ABLIM1: variants seen among roughly 807,000 people sequenced by gnomAD.
The protein encoded by ABLIM1 is actin-binding LIM protein 1.
A neutral mutation model predicts 107.0 loss-of-function variants in ABLIM1; 40 were observed. That is an observed-to-expected ratio of 0.37 (90% CI 0.29 to 0.49). The LOEUF is 0.49. ABLIM1 is among the 20% of genes least tolerant of loss of function. ABLIM1 has a pLI of 0.97. For missense variants in ABLIM1, 857 were observed against 1,008.5 expected (o/e 0.85, Z 2.04); for synonymous variants, 357 against 357.3 (o/e 1.00, Z 0.01).
At chr10:114,644,329 ATG>A (rs57762748) in intron 1 of ABLIM1, among the ~76,000 whole-genome samples, 14 of 114,982 alleles carry the variant, frequency 1.2e-4, no homozygotes, top group African/African-American at 2.5e-4. Flanking sequence ...ATATATATAT[ATG>A]TGTATATATT....
At chr10:114,631,700 T>C (rs1332561127) in intron 1 of ABLIM1, among the ~76,000 whole-genome samples, 1 of 151,524 alleles carries the variant, frequency 6.6e-6, no homozygotes, top group African/African-American at 2.4e-5. Flanking sequence ...GAAAACAGGA[T>C]GTGCTCCCGA....
intron 1 of ABLIM1, among the ~76,000 whole-genome samples, chr10:114,747,787 C>T (rs111447170): frequency 0.052 from 7,945 of 152,336 alleles, 280 homozygotes; most frequent in Non-Finnish European, 0.084. Context: ...CGCCTGTAAT[C>T]CCAGCACTTT....
At position 114,474,159 on chromosome 10, in the gene ABLIM1, C is replaced by T. The variant is rs539155488; in HGVS notation, c.1042-203G>A. ...CCAGTTTTGAAAAGGCATGGGGAGG[C>T]CTTTCTCTGGCCCTTCCTGCTCCTT... On this transcript the variant is annotated intron_variant, in intron 8 of 22. Transcript: ENST00000533213. 4.7e-4 allele frequency among the ~76,000 whole-genome samples: 71 copies of T among 152,240 alleles called. 1 individual carries two copies. Among genetic ancestry groups the T allele is most frequent in the African/African-American group, 1.7e-3 (70 of 41,534 alleles).
chr10:114,531,201 G>A (rs1565847896), intron 6 of ABLIM1, among the ~76,000 whole-genome samples: 2 of 152,220 alleles, frequency 1.3e-5, no homozygotes, highest in African/African-American at 2.4e-5. Context: ...ACAGGAAGCT[G>A]TAAGTTCATT....
chr10:114,477,101 G>C (rs1259351463), intron 8 of ABLIM1, among the ~76,000 whole-genome samples: 2 of 152,112 alleles, frequency 1.3e-5, no homozygotes, highest in Non-Finnish European at 2.9e-5. Context: ...GTCAGGATTT[G>C]AACTCAGACA....
intron 1 of ABLIM1, among the ~76,000 whole-genome samples, chr10:114,724,766 C>T (rs1187863441): frequency 1.3e-5 from 2 of 152,088 alleles, no homozygotes; most frequent in African/African-American, 4.8e-5. Flanking sequence ...GACTGTCCGG[C>T]CCTAAGGAGA....
intron 1 of ABLIM1, among the ~76,000 whole-genome samples, chr10:114,671,596 T>C (rs928973924): frequency 2.0e-5 from 3 of 152,238 alleles, no homozygotes; most frequent in African/African-American, 4.8e-5. Context: ...TGTAGGAGAA[T>C]TGCAGTTGTT....
chr10:114,571,567 G>A (rs2071687040), intron 3 of ABLIM1, among the ~76,000 whole-genome samples, 161 bp from the exon 4 acceptor site: 1 of 152,150 alleles, frequency 6.6e-6, no homozygotes, highest in African/African-American at 2.4e-5. Flanking sequence ...GCTGGAGACA[G>A]TCCAAACAAA....
At chr10:114,583,468 C>CATATATATATATATATATATATATAT (rs140129654) in intron 2 of ABLIM1, among the ~76,000 whole-genome samples, 1 of 15,104 alleles carries the variant, frequency 6.6e-5, no homozygotes, top group Non-Finnish European at 1.2e-4. Flanking sequence ...CACACACACA[C>CATATATATATATATATATATATATAT]ATATATATAT....
intron 22 of ABLIM1, 126 bp downstream of exon 22, chr10:114,437,718 T>G: frequency 1.3e-6 from 1 of 766,708 alleles, no homozygotes; most frequent in Admixed American, 2.5e-5. Context: ...GTTCTACCTA[T>G]GACATGAGGG....
At chr10:114,717,006 G>A (rs574514995) in intron 1 of ABLIM1, among the ~76,000 whole-genome samples, 6 of 151,998 alleles carry the variant, frequency 3.9e-5, no homozygotes, top group Non-Finnish European at 1.5e-5. Context: ...ACTGCCCTAA[G>A]TCCATCCCAC....
At chr10:114,785,527 T>C in the ABLIM1 span, among the ~76,000 whole-genome samples, 2 of 152,180 alleles carry the variant, frequency 1.3e-5, no homozygotes, top group African/African-American at 4.8e-5. Flanking sequence ...AAGAATAGCA[T>C]TCTTAGTATA....
At position 114,728,219 on chromosome 10, in the gene ABLIM1, A is replaced by G. The variant is rs941601145; in HGVS notation, c.-213+39842T>C. Among the ~76,000 whole-genome samples the G allele has an allele frequency of 7.2e-5, 11 of 152,234 alleles. 1 individual carries two copies. The highest frequency in any genetic ancestry group is 1.0e-4 in the Non-Finnish European group (7 of 68,048). ...AGATTTTGCATACTCAAACTTGACA[A>G]TGGCAAGTGTTGACAAATTTGTGGA... On this transcript the variant is annotated intron_variant, in intron 1 of 15. Transcript: ENST00000651092.
At chr10:114,622,310 G>A (rs144708332) in intron 1 of ABLIM1, among the ~76,000 whole-genome samples, 35 of 146,652 alleles carry the variant, frequency 2.4e-4, no homozygotes, top group African/African-American at 7.1e-4. Flanking sequence ...GCAATGGCAC[G>A]TTCATGGCTC....
At chr10:114,782,703 G>C in the ABLIM1 span, among the ~76,000 whole-genome samples, 1 of 152,118 alleles carries the variant, frequency 6.6e-6, no homozygotes, top group Non-Finnish European at 1.5e-5. Context: ...GAATGGATTC[G>C]AGGGGAAGAA....
At chr10:114,768,056 C>T in intron 1 of ABLIM1, 1 of 431,908 alleles carries the variant, frequency 2.3e-6, no homozygotes, top group Non-Finnish European at 4.6e-6. Flanking sequence ...CTGGTCCCCA[C>T]TCACCTCTGG....
intron 4 of ABLIM1, among the ~76,000 whole-genome samples, chr10:114,566,894 C>T (rs2070821173): frequency 6.6e-6 from 1 of 152,132 alleles, no homozygotes; most frequent in East Asian, 1.9e-4. Flanking sequence ...ACTAAAAATA[C>T]AAAAATTAGC....
intron 1 of ABLIM1, among the ~76,000 whole-genome samples, chr10:114,635,781 C>G (rs1387162376): frequency 2.6e-5 from 4 of 152,360 alleles, no homozygotes; most frequent in African/African-American, 9.6e-5. Flanking sequence ...CTTGGCCTCT[C>G]AAGGTGCTGG....
intron 4 of ABLIM1, among the ~76,000 whole-genome samples, chr10:114,548,333 C>T (rs2067627088): frequency 2.6e-5 from 4 of 152,218 alleles, no homozygotes; most frequent in Admixed American, 2.6e-4. Context: ...GCTCTCAATT[C>T]TCCTTGGCAG....
Sources: allele counts gnomAD v4.1 joint callset (sites outside exome capture counted in the v4.1 genomes callset), GRCh38; gene constraint gnomAD v4.1.1; transcripts MANE v1.5; gene names NCBI Gene and HGNC (gene_info 2026-07-23, HGNC 2026-07-21).